Variants in DOCK8 observed in about 807,000 individuals in gnomAD.
The protein encoded by DOCK8 is dedicator of cytokinesis 8.
In DOCK8, 141 loss-of-function variants were observed where a neutral mutation model predicts 245.6. The ratio of observed to expected loss-of-function variants is 0.57; its 90% CI spans 0.50 to 0.66. The LOEUF (loss-of-function observed/expected upper bound fraction) is 0.66, where lower values mean the gene tolerates loss of function less well. Ranked by LOEUF, DOCK8 falls within the 30% of genes least tolerant of loss-of-function variation. DOCK8 has a pLI of 0.00. For synonymous variants in DOCK8, 1,168 were observed against 970.2 expected (o/e 1.20, Z -3.79); for missense variants, 2,965 against 2,603.4 (o/e 1.14, Z -3.02).
At chr9:366,538 T>A (rs1030348447) in intron 14 of DOCK8, 3 of 152,242 alleles carry the variant, frequency 2.0e-5, no homozygotes, top group African/African-American at 7.2e-5. Context: ...ATGTGGGATG[T>A]TCTTCTGTGA....
intron 26 of DOCK8, among the ~76,000 whole-genome samples, 200 bp from the exon 27 acceptor site, chr9:404,718 T>A (rs898250792): frequency 7.2e-5 from 11 of 152,190 alleles, no homozygotes; most frequent in African/African-American, 2.4e-4. Context: ...TAGGCTAGAA[T>A]CACTAAGGGG....
intron 2 of DOCK8, among the ~76,000 whole-genome samples, chr9:273,811 A>G (rs1177579904): frequency 8.9e-6 from 1 of 112,092 alleles, no homozygotes; most frequent in Non-Finnish European, 1.8e-5. Flanking sequence ...AGTTCAAGCA[A>G]TTCTCCTGCC....
chr9:244,051 G>A (rs1042454321), intron 1 of DOCK8, among the ~76,000 whole-genome samples: 17 of 151,978 alleles, frequency 1.1e-4, no homozygotes, highest in Non-Finnish European at 1.8e-4. Flanking sequence ...AGCCGGGCGT[G>A]GCGGCGACCG....
intron 46 of DOCK8, chr9:452,629 G>A (rs1380232857): frequency 6.6e-6 from 1 of 152,548 alleles, no homozygotes; most frequent in Non-Finnish European, 1.5e-5. Flanking sequence ...AGTCCCAGAG[G>A]TTCTTTGCAT....
chr9:323,285 A>C (rs561411532), intron 7 of DOCK8, among the ~76,000 whole-genome samples: 2 of 125,344 alleles, frequency 1.6e-5, no homozygotes, highest in African/African-American at 6.1e-5. Context: ...GTGCAGTGGC[A>C]TGATCTCGGC....
At chr9:399,389 T>G (rs1356214150) in intron 26 of DOCK8, 130 bp downstream of exon 26, 2 of 732,344 alleles carry the variant, frequency 2.7e-6, no homozygotes, top group African/African-American at 3.5e-5. Context: ...ATCCTGTGTT[T>G]TGCAGCACGT....
upstream of DOCK8, chr9:214,727 G>A (rs774953863): frequency 3.9e-6 from 6 of 1,525,186 alleles, no homozygotes; most frequent in South Asian, 4.9e-5. Context: ...TCCGCGCTGG[G>A]CCCACGCCCT....
chr9:238,476 C>T (rs544065145), intron 1 of DOCK8, among the ~76,000 whole-genome samples: 3 of 152,178 alleles, frequency 2.0e-5, no homozygotes, highest in South Asian at 2.1e-4. Flanking sequence ...GTAAAATAAA[C>T]TGGAAATAGG....
intron 32 of DOCK8, 24 bp downstream of exon 32, chr9:421,102 GCTCT>G (rs1564046222): frequency 6.2e-7 from 1 of 1,613,540 alleles, no homozygotes; most frequent in Non-Finnish European, 8.5e-7. Context: ...GCCCTTCCCT[GCTCT>G]CTGTCAAGCA....
chr9:406,805 G>C (rs1564025199), intron 27 of DOCK8, 125 bp from the exon 28 acceptor site: 46 of 1,215,930 alleles, frequency 3.8e-5, no homozygotes, highest in Non-Finnish European at 2.4e-6. Flanking sequence ...TCTGGCACCA[G>C]AGTACCTACC....
At chr9:248,539 TTCTTTCTTTC>T (rs1563839271) in intron 1 of DOCK8, among the ~76,000 whole-genome samples, 4 of 62,088 alleles carry the variant, frequency 6.4e-5, no homozygotes, top group African/African-American at 2.1e-4. Flanking sequence ...CTCTCTTTCT[TTCTTTCTTTC>T]TCTCTCTCTC....
At chr9:301,285 T>G (rs1466064992) in intron 4 of DOCK8, among the ~76,000 whole-genome samples, 1 of 152,160 alleles carries the variant, frequency 6.6e-6, no homozygotes, top group Non-Finnish European at 1.5e-5. Context: ...TTAACAAAAT[T>G]CAACATCCCT....
At chr9:436,623 C>T (rs1425410570) in intron 39 of DOCK8, among the ~76,000 whole-genome samples, 1 of 152,084 alleles carries the variant, frequency 6.6e-6, no homozygotes, top group Non-Finnish European at 1.5e-5. Context: ...TCTAATTTTA[C>T]CTAGAATTCA....
chr9:419,504 G>T (rs546387756), intron 30 of DOCK8, among the ~76,000 whole-genome samples: 1 of 152,212 alleles, frequency 6.6e-6, no homozygotes, highest in Admixed American at 6.5e-5. Flanking sequence ...CATAGTCCTT[G>T]TGAGGTTGTA....
chr9:265,221 C>T lies in DOCK8; in HGVS notation c.54-6406C>T, dbSNP rs112607994. Among the ~76,000 whole-genome samples the T allele has an allele frequency of 7.0e-3, 1,041 of 147,922 alleles. 14 individuals are homozygous for T. The highest frequency in any genetic ancestry group is 0.025 in the African/African-American group (1,005 of 39,912). ...TGCTGGGATTACAGGCTTGAGCCAC[C>T]GTGCCCGGCCTAAACCTTGATTTTT... On this transcript the variant is annotated intron_variant, in intron 1 of 47. Coordinates refer to ENST00000432829, the MANE Select transcript of DOCK8 (RefSeq NM_203447.4).
intron 4 of DOCK8, among the ~76,000 whole-genome samples, chr9:300,191 C>T (rs558154441): frequency 6.6e-6 from 1 of 152,288 alleles, no homozygotes; most frequent in East Asian, 1.9e-4. Context: ...TTCCTACAGA[C>T]GTCACTGGGA....
chr9:435,605 T>C (rs2056873222), intron 39 of DOCK8, among the ~76,000 whole-genome samples: 1 of 152,162 alleles, frequency 6.6e-6, no homozygotes, highest in South Asian at 2.1e-4. Flanking sequence ...AGGGGCCCAC[T>C]CTCCAATCCA....
intron 26 of DOCK8, among the ~76,000 whole-genome samples, chr9:400,228 T>A (rs1187110043): frequency 3.3e-4 from 22 of 66,346 alleles, no homozygotes; most frequent in East Asian, 9.0e-4. Flanking sequence ...CACCACCACC[T>A]CCACCATCAC....
intron 23 of DOCK8, among the ~76,000 whole-genome samples, chr9:387,619 G>T (rs1208577328): frequency 6.6e-6 from 1 of 152,190 alleles, no homozygotes; most frequent in Non-Finnish European, 1.5e-5. Context: ...GGGAGGGCCG[G>T]GGCCTGGTGC....
Sources: allele counts gnomAD v4.1 joint callset (sites outside exome capture counted in the v4.1 genomes callset), GRCh38; gene constraint gnomAD v4.1.1; transcripts MANE v1.5; gene names NCBI Gene and HGNC (gene_info 2026-07-23, HGNC 2026-07-21).